The following RP1 variants were observed in gnomAD, a reference collection of about 807,000 sequenced individuals.
The protein encoded by RP1 is RP1 axonemal microtubule associated.
Under a neutral mutation model 14.8 loss-of-function variants are expected in RP1, and 16 were observed. The ratio of observed to expected loss-of-function variants is 1.08; its 90% CI spans 0.73 to 1.65. The LOEUF (loss-of-function observed/expected upper bound fraction) is 1.65. RP1 is among the 40% of genes most tolerant of loss of function. The pLI, the probability that RP1 is intolerant of heterozygous loss-of-function variation, is 0.00. For missense variants in RP1, 2,631 were observed against 2,535.0 expected (o/e 1.04, Z -0.81); for synonymous variants, 876 against 883.6 (o/e 0.99, Z 0.15).
intron 1 of RP1, among the ~76,000 whole-genome samples, chr8:54,565,916 C>T (rs2129291239): frequency 6.6e-6 from 1 of 152,274 alleles, no homozygotes; most frequent in South Asian, 2.1e-4. Context: ...AGACACTGTC[C>T]AGTCTTCTCC....
At chr8:54,846,696 A>G (rs1811927734) in intron 25 of RP1, among the ~76,000 whole-genome samples, 1 of 151,810 alleles carries the variant, frequency 6.6e-6, no homozygotes. Flanking sequence ...AATTCAATAT[A>G]CTTTCTTCTC....
chr8:54,783,705 T>G (rs890821250), exon 24 of RP1: 7 of 1,230,444 alleles, frequency 5.7e-6, no homozygotes, highest in Non-Finnish European at 6.1e-6. Context: ...TGCAGATATA[T>G]TCAAGGTAAA....
chr8:54,787,612 G>A (rs1030612788), intron 24 of RP1, among the ~76,000 whole-genome samples: 4 of 152,100 alleles, frequency 2.6e-5, no homozygotes, highest in African/African-American at 9.7e-5. Context: ...ACGCTAAATA[G>A]TATTCTCCGT....
At chr8:54,663,502 G>A (rs192134836) in intron 6 of RP1, among the ~76,000 whole-genome samples, 187 of 152,056 alleles carry the variant, frequency 1.2e-3, no homozygotes, top group Non-Finnish European at 1.8e-3. Context: ...TGCCTAATTC[G>A]TAAACTAAAC....
At chr8:54,693,351 GAAGA>G (rs1241674757) in intron 12 of RP1, among the ~76,000 whole-genome samples, 1 of 152,092 alleles carries the variant, frequency 6.6e-6, no homozygotes, top group African/African-American at 2.4e-5. Context: ...CTAATTCTGT[GAAGA>G]AAGTCATTGG....
intron 15 of RP1, among the ~76,000 whole-genome samples, chr8:54,712,380 T>G (rs1420657914): frequency 6.6e-6 from 1 of 152,192 alleles, no homozygotes; most frequent in Non-Finnish European, 1.5e-5. Flanking sequence ...CATTCCATCA[T>G]AAGTATCAGG....
At chr8:54,679,410 C>G (rs1807371560) in intron 9 of RP1, 1 of 1,533,514 alleles carries the variant, frequency 6.5e-7, no homozygotes, top group Non-Finnish European at 8.7e-7. Context: ...ATACACTTTT[C>G]TTTTCACAGA....
intron 18 of RP1, among the ~76,000 whole-genome samples, chr8:54,737,592 G>A (rs1484703005): frequency 1.3e-5 from 2 of 152,142 alleles, no homozygotes; most frequent in Non-Finnish European, 2.9e-5. Flanking sequence ...TGGGAATAAG[G>A]AAGTGGGGGG....
intron 1 of RP1, among the ~76,000 whole-genome samples, chr8:54,583,650 AGCTATTAATTATT>A: frequency 6.6e-6 from 1 of 152,250 alleles, no homozygotes; most frequent in South Asian, 2.1e-4. Context: ...TTCATTGATA[AGCTATTAATTATT>A]GCCTCAATTT....
In RP1 at chr8:54,627,622, C is replaced by T. The variant is rs1806106932; in HGVS notation, c.3740C>T (p.Pro1247Leu). Residue 1247 changes from proline to leucine, a missense_variant, in exon 4 of 4, where the codon CCT becomes CTT. Coordinates refer to ENST00000220676, the MANE Select transcript of RP1 (RefSeq NM_006269.2). ...TGCTCTGCCAGTGAGGCATGTGCCC[C>T]TGAAGTCTGTGTTTTGGAAGTGACT... ...GGCSASEACA[P>L]EVCVLEVTCS... 2 of 1,614,202 alleles carry T rather than the reference C, an allele frequency of 1.2e-6. No homozygotes were observed. Among genetic ancestry groups the T allele is most frequent in the East Asian group, 2.2e-5 (1 of 44,886 alleles).
intron 17 of RP1, chr8:54,726,569 C>T: frequency 7.3e-7 from 1 of 1,361,014 alleles, no homozygotes; most frequent in Non-Finnish European, 9.7e-7. Flanking sequence ...ATTATTTTTA[C>T]AGCATATATT....
At chr8:54,596,038 A>G (rs1805137649) in intron 1 of RP1, among the ~76,000 whole-genome samples, 1 of 152,224 alleles carries the variant, frequency 6.6e-6, no homozygotes, top group Non-Finnish European at 1.5e-5. Flanking sequence ...AAGAATGATA[A>G]TGATACATTG....
chr8:54,694,979 A>G (rs1217041473), intron 12 of RP1, among the ~76,000 whole-genome samples: 1 of 151,260 alleles, frequency 6.6e-6, no homozygotes, highest in Admixed American at 6.6e-5. Flanking sequence ...TTCCCTCTAC[A>G]CACTGCTTTG....
chr8:54,720,037 A>G, intron 15 of RP1: 5 of 1,070,244 alleles, frequency 4.7e-6, no homozygotes, highest in Non-Finnish European at 6.5e-6. Context: ...ATTCGAAACG[A>G]GACAAAATTA....
chr8:54,776,106 TGTTA>T (rs1810032125), intron 23 of RP1, among the ~76,000 whole-genome samples: 1 of 152,130 alleles, frequency 6.6e-6, no homozygotes, highest in African/African-American at 2.4e-5. Flanking sequence ...ATTTATACTG[TGTTA>T]GTTATAAGTA....
intron 19 of RP1, among the ~76,000 whole-genome samples, chr8:54,750,969 G>C (rs1302858535): frequency 6.6e-6 from 1 of 152,200 alleles, no homozygotes; most frequent in Non-Finnish European, 1.5e-5. Context: ...AACCTGCTCG[G>C]GTACCCTTCC....
At chr8:54,807,875 AG>A (rs1267826953) in intron 24 of RP1, among the ~76,000 whole-genome samples, 1 of 152,018 alleles carries the variant, frequency 6.6e-6, no homozygotes, top group African/African-American at 2.4e-5. Flanking sequence ...TGGGGAGGTC[AG>A]TCTGTTCTAT....
chr8:54,718,729 GC>G (rs1298134553), intron 15 of RP1, among the ~76,000 whole-genome samples: 1 of 152,176 alleles, frequency 6.6e-6, no homozygotes, highest in Non-Finnish European at 1.5e-5. Context: ...ATTGCAAGAA[GC>G]CAGTATGATA....
At chr8:54,758,897 T>G in intron 21 of RP1, 1 of 1,534,004 alleles carries the variant, frequency 6.5e-7, no homozygotes, top group Non-Finnish European at 8.7e-7. Context: ...TTTCTGTGGG[T>G]TTTTTTCTCT....
Sources: allele counts gnomAD v4.1 joint callset (sites outside exome capture counted in the v4.1 genomes callset), GRCh38; gene constraint gnomAD v4.1.1; transcripts MANE v1.5; gene names NCBI Gene and HGNC (gene_info 2026-07-23, HGNC 2026-07-21).